Variants in PREX1 observed in about 807,000 individuals in gnomAD.
The protein encoded by PREX1 is phosphatidylinositol-3,4,5-trisphosphate dependent Rac exchange factor 1, also known as phosphatidylinositol 3,4,5-trisphosphate-dependent Rac exchanger 1 protein.
Under a neutral mutation model 198.3 loss-of-function variants are expected in PREX1, and 41 were observed. That is an observed-to-expected ratio of 0.21 (90% CI 0.16 to 0.27). PREX1 has a LOEUF of 0.27. Ranked by LOEUF, PREX1 falls within the 10% of genes least tolerant of loss-of-function variation. The probability of loss-of-function intolerance (pLI) is 1.00; values close to 1 mark genes in which losing one functional copy is unlikely to be tolerated. For synonymous variants in PREX1, 843 were observed against 887.2 expected, an observed-to-expected ratio of 0.95 and a Z score of 0.89; for missense variants, 1,620 against 2,200.7, an observed-to-expected ratio of 0.74 and a Z score of 5.28.
At chr20:48,728,978 G>C (rs2090021575) in intron 4 of PREX1, among the ~76,000 whole-genome samples, 2 of 152,240 alleles carry the variant, frequency 1.3e-5, no homozygotes, top group African/African-American at 4.8e-5. Flanking sequence ...TCAACCTCAT[G>C]GTCTTCCCAA....
At chr20:48,853,900 T>G in the PREX1 span, among the ~76,000 whole-genome samples, 2 of 152,134 alleles carry the variant, frequency 1.3e-5, no homozygotes, top group African/African-American at 4.8e-5. Context: ...CTGTCAAGCA[T>G]ACACATGAAA....
intron 1 of PREX1, among the ~76,000 whole-genome samples, chr20:48,802,018 G>A (rs2090389494): frequency 6.6e-6 from 1 of 152,104 alleles, no homozygotes. Context: ...CCATGCCCTT[G>A]AACTTCCCAG....
chr20:48,729,796 T>C (rs2090026703), intron 4 of PREX1, among the ~76,000 whole-genome samples: 1 of 152,158 alleles, frequency 6.6e-6, no homozygotes, highest in Non-Finnish European at 1.5e-5. Context: ...GGTTGAATGG[T>C]GTTCCCCAAA....
intron 3 of PREX1, among the ~76,000 whole-genome samples, chr20:48,743,886 C>T (rs934468489): frequency 1.3e-5 from 2 of 152,162 alleles, no homozygotes; most frequent in East Asian, 3.9e-4. Context: ...CACGCCTGAT[C>T]GCACATGAGA....
At position 48,650,883 on chromosome 20, in the gene PREX1, C is replaced by T. The variant is rs1236412547; in HGVS notation, c.2817+11G>A. 6 of 1,613,684 alleles carry T rather than the reference C, an allele frequency of 3.7e-6. No individual in the cohort carries two copies. Among genetic ancestry groups the T allele is most frequent in the Non-Finnish European group, 5.1e-6 (6 of 1,179,884 alleles). On this transcript the variant is annotated intron_variant, in intron 23 of 39. Transcript: ENST00000371941. ...CCTGTGGCAGAGACCCCGGAGGGAGCACGCAGGCACCTCCTGGTAGCAGGC... is the reference window on the plus strand; with the variant it reads ...CCTGTGGCAGAGACCCCGGAGGGAGTACGCAGGCACCTCCTGGTAGCAGGC...
intron 7 of PREX1, among the ~76,000 whole-genome samples, chr20:48,696,118 G>A (rs1244321339): frequency 1.3e-5 from 2 of 152,096 alleles, no homozygotes; most frequent in Non-Finnish European, 2.9e-5. Context: ...ATAGTCTAAT[G>A]AATTTAGTTC....
At chr20:48,739,572 G>A (rs1366108894) in intron 3 of PREX1, among the ~76,000 whole-genome samples, 1 of 152,114 alleles carries the variant, frequency 6.6e-6, no homozygotes, top group Admixed American at 6.5e-5. Context: ...GTCTGCACTG[G>A]CATCTGAAAT....
rs1408091107 is a variant in PREX1 at position 48,624,255 on chromosome 20, G to A, written c.*1630C>T. The A allele has an allele frequency of 7.4e-6, 1 of 134,760 alleles. No homozygotes were observed. The highest frequency in any genetic ancestry group is 1.5e-5 in the Non-Finnish European group (1 of 64,768). The allele number at this position is 134,760 out of a possible 1,614,324, so 8.3% of individuals were successfully genotyped here. On this transcript the variant is annotated 3_prime_UTR_variant, in exon 40 of 40. Transcript: ENST00000371941. ...GAAGCAGATCACAGCCTCGTTCTTT[G>A]TATTATAAACTGACTTTTAATAATA... is the stretch of plus-strand genomic sequence containing the variant.
At chr20:48,635,985 G>T (rs577994577) in intron 32 of PREX1, among the ~76,000 whole-genome samples, 1 of 152,280 alleles carries the variant, frequency 6.6e-6, no homozygotes, top group African/African-American at 2.4e-5. Context: ...GCGCTCCAAG[G>T]CCAGGCCTCC....
At position 48,636,549 on chromosome 20, in the gene PREX1, G is replaced by A. The variant is rs973965318; in HGVS notation, c.4081C>T (p.Arg1361Cys). Reference protein sequence around the residue: ...NNNGEYEESSRDASRKWLEQV... With the variant: ...NNNGEYEESSCDASRKWLEQV... ...TCCAGCCACTTGCGGCTGGCGTCGC[G>A]GCTGCTCTCCTCGTACTCGCCATTG... is the stretch of plus-strand genomic sequence containing the variant. Residue 1361 changes from arginine to cysteine, a missense_variant, in exon 32 of 40, where the codon CGC becomes TGC. Transcript: ENST00000371941. 94 of 1,611,414 alleles carry A rather than the reference G, an allele frequency of 5.8e-5. 1 individual carries two copies. The highest frequency in any genetic ancestry group is 1.6e-4 in the Middle Eastern group (1 of 6,070).
the PREX1 span, among the ~76,000 whole-genome samples, chr20:48,847,380 AAAAAC>A: frequency 3.1e-3 from 476 of 151,188 alleles, 5 homozygotes; most frequent in African/African-American, 8.9e-3. Flanking sequence ...AAAAAAAAAA[AAAAAC>A]AAACCCTCCC....
chr20:48,713,847 C>G (rs1418791171), intron 5 of PREX1, among the ~76,000 whole-genome samples: 1 of 135,002 alleles, frequency 7.4e-6, no homozygotes. Context: ...GCACATGTAT[C>G]CCAGAACTAT....
intron 14 of PREX1, among the ~76,000 whole-genome samples, chr20:48,667,255 G>A (rs528799336): frequency 9.2e-5 from 14 of 152,274 alleles, no homozygotes; most frequent in Non-Finnish European, 1.9e-4. Flanking sequence ...ACCCACCTCT[G>A]GACTTCTCTC....
chr20:48,706,703 A>G (rs891470700), intron 6 of PREX1, among the ~76,000 whole-genome samples: 1 of 152,202 alleles, frequency 6.6e-6, no homozygotes, highest in African/African-American at 2.4e-5. Context: ...CAAGGCTGAG[A>G]TGAGAGTCTT....
In PREX1 at chr20:48,713,115, T is replaced by A. The variant is rs527375289; in HGVS notation, c.622-4694A>T. 5.6e-4 allele frequency among the ~76,000 whole-genome samples: 84 copies of A among 150,940 alleles called. 1 individual carries two copies. Among genetic ancestry groups the A allele is most frequent in the Non-Finnish European group, 1.1e-3 (74 of 67,848 alleles). ...AAGATTGCGCCACTGCACTCCAGCC[T>A]GGGTGACAGAGCAAGACTCCATCTT... On this transcript the variant is annotated intron_variant, in intron 5 of 39. Coordinates refer to ENST00000371941, the MANE Select transcript of PREX1 (RefSeq NM_020820.4).
chr20:48,661,447 ATATATATAT>A (rs2089592999), intron 15 of PREX1, among the ~76,000 whole-genome samples: 1 of 91,950 alleles, frequency 1.1e-5, no homozygotes, highest in East Asian at 2.9e-4. Flanking sequence ...AAAAAAAAAT[ATATATATAT>A]ATATATATAT....
the PREX1 span, among the ~76,000 whole-genome samples, chr20:48,886,300 T>TCA: frequency 1.3e-5 from 2 of 152,214 alleles, no homozygotes; most frequent in African/African-American, 4.8e-5. Flanking sequence ...GTAAGGCCAG[T>TCA]CACACGCAGG....
chr20:48,776,511 C>T (rs1235823700), intron 1 of PREX1, among the ~76,000 whole-genome samples: 1 of 152,204 alleles, frequency 6.6e-6, no homozygotes. Context: ...GAGGGGGAGT[C>T]CACGGGGCGG....
the PREX1 span, among the ~76,000 whole-genome samples, chr20:48,881,169 G>T: frequency 6.6e-6 from 1 of 152,048 alleles, no homozygotes; most frequent in Non-Finnish European, 1.5e-5. Flanking sequence ...GGAGTGGGTA[G>T]GAGTATAGCG....
Sources: gnomAD v4.1 joint callset for allele counts (sites outside exome capture counted in the v4.1 genomes callset) on GRCh38, gnomAD v4.1.1 for gene constraint, MANE v1.5 for transcripts, NCBI Gene and HGNC (gene_info 2026-07-23, HGNC 2026-07-21) for gene names.